ARID1B: variants seen among roughly 807,000 people sequenced by gnomAD.
The protein encoded by ARID1B is AT-rich interaction domain 1B, also known as AT-rich interactive domain-containing protein 1B.
A neutral mutation model predicts 212.3 loss-of-function variants in ARID1B; 30 were observed. The ratio of observed to expected loss-of-function variants is 0.14; its 90% CI spans 0.11 to 0.19. The LOEUF (loss-of-function observed/expected upper bound fraction) is 0.19. Ranked by LOEUF, ARID1B falls within the 10% of genes least tolerant of loss-of-function variation. The pLI, the probability that ARID1B is intolerant of heterozygous loss-of-function variation, is 1.00. For missense variants in ARID1B, 2,891 were observed against 3,204.0 expected (o/e 0.90, Z 2.36); for synonymous variants, 1,402 against 1,301.7 (o/e 1.08, Z -1.66).
rs969125497 is a variant in ARID1B at position 157,207,876 on chromosome 6, G to T, written c.7104G>T (p.Gln2368His). Residue 2368 changes from glutamine (Q) to histidine (H), a missense_variant, in exon 20 of 20, where the codon CAG becomes CAT. By Grantham distance (24) the Gln-to-His change is conservative (BLOSUM62 0). Around this residue, in one of 7 missense-constraint regions of ARID1B, gnomAD observed 187 missense variants for 306.5 expected, o/e 0.61. Transcript: ENST00000636930. This position sits in a 1 kb window ranked among gnomAD's most constrained non-coding sequence, Gnocchi z 8.5. Reference sequence around the variant, plus strand: ...CTGTCATCTGTGATGTACTGTTTCAGATTGGGCAGTTATGACATAAGTGAG... The same window carrying T: ...CTGTCATCTGTGATGTACTGTTTCATATTGGGCAGTTATGACATAAGTGAG... ...VASVICDVLF[Q>H]IGQL 7 of 1,499,294 alleles carry T rather than the reference G, an allele frequency of 4.7e-6. No homozygotes were observed. In the South Asian group the frequency reaches 9.8e-5, roughly 21 times the overall value. 92.9% of individuals were successfully genotyped at this position (1,499,294 alleles called of 1,614,324 possible).
intron 4 of ARID1B, among the ~76,000 whole-genome samples, chr6:157,052,414 G>A (rs935913004): frequency 6.6e-6 from 1 of 152,162 alleles, no homozygotes; most frequent in Admixed American, 6.5e-5. Context: ...ACTCAAATAA[G>A]TTTTGTTGGG....
At chr6:157,112,857 A>G (rs2128523701) in intron 6 of ARID1B, among the ~76,000 whole-genome samples, 1 of 151,548 alleles carries the variant, frequency 6.6e-6, no homozygotes, top group South Asian at 2.1e-4. Flanking sequence ...CCTTTATTAT[A>G]TGTAGTGTAG....
At chr6:157,130,814 T>G (rs1788492814) in intron 6 of ARID1B, among the ~76,000 whole-genome samples, 1 of 152,216 alleles carries the variant, frequency 6.6e-6, no homozygotes, top group Non-Finnish European at 1.5e-5. Flanking sequence ...TAGGTTCTCC[T>G]GAAGCAGAAA....
chr6:156,800,766 G>A (rs1780723945), intron 1 of ARID1B, among the ~76,000 whole-genome samples: 1 of 152,100 alleles, frequency 6.6e-6, no homozygotes, highest in Non-Finnish European at 1.5e-5. Flanking sequence ...AATTAGCCAG[G>A]CATGGTGGTG....
rs770913233 is a variant in ARID1B, at chr6:157,084,929, T to C, written c.2491+24T>C. On this transcript the variant is annotated intron_variant, in intron 5 of 19. Transcript: ENST00000636930. ...AGGTATTTACTTTCCTGACAATTAT[T>C]ATTTTACTTTGTGATAAAGAGAGAT... 1.9e-6 allele frequency: 3 copies of C among 1,582,456 alleles called. No individual in the cohort carries two copies. The South Asian group carries it at 3.5e-5, about 18-fold the overall frequency.
At chr6:157,097,498 T>A (rs1261485499) in intron 5 of ARID1B, among the ~76,000 whole-genome samples, 1 of 136,326 alleles carries the variant, frequency 7.3e-6, no homozygotes, top group Non-Finnish European at 1.7e-5. Context: ...CGTGCTATAT[T>A]CTCTTTTAGG....
At chr6:156,894,548 A>T (rs9372025) in intron 2 of ARID1B, among the ~76,000 whole-genome samples, 1 of 152,080 alleles carries the variant, frequency 6.6e-6, no homozygotes, top group Non-Finnish European at 1.5e-5. Context: ...ATTCTTTTAC[A>T]CAGCAAAATA....
chr6:156,906,506 T>C, intron 3 of ARID1B, among the ~76,000 whole-genome samples: 1 of 126,430 alleles, frequency 7.9e-6, no homozygotes, highest in Non-Finnish European at 1.6e-5. Flanking sequence ...GATCGTGCCA[T>C]TGCACTCTAG....
chr6:156,807,895 G>A (rs1300940110), intron 1 of ARID1B, among the ~76,000 whole-genome samples: 2 of 152,192 alleles, frequency 1.3e-5, no homozygotes, highest in Non-Finnish European at 2.9e-5. Context: ...GAGGCAGTTG[G>A]CAGGATTTGC....
At chr6:156,876,471 G>A (rs1286562691) in intron 2 of ARID1B, among the ~76,000 whole-genome samples, 3 of 152,200 alleles carry the variant, frequency 2.0e-5, no homozygotes, top group Non-Finnish European at 4.4e-5. Flanking sequence ...TGCCGGCTGG[G>A]CATGTCCACC....
intron 2 of ARID1B, among the ~76,000 whole-genome samples, chr6:156,862,228 T>C (rs373978215): frequency 1.4e-4 from 21 of 151,996 alleles, no homozygotes; most frequent in African/African-American, 5.1e-4. Flanking sequence ...TTCTGGGCTT[T>C]CCATTGGAAT....
intron 7 of ARID1B, chr6:157,140,714 T>TGG (rs1789283743): frequency 2.5e-6 from 1 of 398,440 alleles, no homozygotes; most frequent in Admixed American, 4.4e-5. Flanking sequence ...CTTCTTCACT[T>TGG]GCTGCCTCGA....
At chr6:156,916,966 C>T (rs1008155008) in intron 3 of ARID1B, among the ~76,000 whole-genome samples, 3 of 152,116 alleles carry the variant, frequency 2.0e-5, no homozygotes, top group African/African-American at 7.2e-5. Flanking sequence ...CTGTCAGTAC[C>T]CTTTCTTGTG....
At chr6:156,947,270 A>G (rs17087950) in intron 4 of ARID1B, among the ~76,000 whole-genome samples, 3,529 of 152,256 alleles carry the variant, frequency 0.023, 130 homozygotes, top group African/African-American at 0.079. Context: ...TTTGTTTGAT[A>G]TATACTTTTG....
chr6:157,149,532 A>G (rs1473453142), intron 8 of ARID1B: 1 of 152,266 alleles, frequency 6.6e-6, no homozygotes, highest in East Asian at 1.9e-4. Context: ...TTTAAAAAGC[A>G]AATATAATAT....
At chr6:156,872,312 TC>T in intron 2 of ARID1B, among the ~76,000 whole-genome samples, 1 of 152,282 alleles carries the variant, frequency 6.6e-6, no homozygotes, top group South Asian at 2.1e-4. Context: ...GTCAGTTTAA[TC>T]CATTGTTTTT....
At chr6:156,867,653 A>T (rs1425541076) in intron 2 of ARID1B, among the ~76,000 whole-genome samples, 1 of 152,116 alleles carries the variant, frequency 6.6e-6, no homozygotes, top group Non-Finnish European at 1.5e-5. Context: ...AACTTTGAAG[A>T]TACTTTTGGT....
At chr6:157,167,267 C>T (rs959148831) in intron 9 of ARID1B, 82 bp downstream of exon 9, 141 of 1,489,962 alleles carry the variant, frequency 9.5e-5, no homozygotes, top group African/African-American at 1.1e-4. Flanking sequence ...TCTGCCTAAA[C>T]GGCCCGAGAA....
chr6:156,813,341 T>A (rs1305250092), intron 1 of ARID1B, among the ~76,000 whole-genome samples: 3 of 151,606 alleles, frequency 2.0e-5, no homozygotes, highest in African/African-American at 4.9e-5. Flanking sequence ...CTCGAACTCC[T>A]GAGCTAGGCA....
Sources: gnomAD v4.1 joint callset for allele counts (sites outside exome capture counted in the v4.1 genomes callset) on GRCh38, gnomAD v4.1.1 for gene constraint, gnomAD v4.1.1 regional missense constraint, Gnocchi (gnomAD v3.1) non-coding constraint, MANE v1.5 for transcripts, NCBI Gene and HGNC (gene_info 2026-07-23, HGNC 2026-07-21) for gene names.